The following STEAP1B variants were observed in gnomAD, a reference collection of about 807,000 sequenced individuals.
STEAP1B encodes STEAP family protein MGC87042.
Under a neutral mutation model 27.9 loss-of-function variants are expected in STEAP1B, and 13 were observed. The ratio of observed to expected loss-of-function variants is 0.47; its 90% confidence interval spans 0.30 to 0.74. The LOEUF (loss-of-function observed/expected upper bound fraction) is 0.74. Among genes scored for constraint, STEAP1B ranks in the 30% least tolerant of loss-of-function variants. STEAP1B has a pLI of 0.06. For missense variants in STEAP1B, 250 were observed against 298.7 expected, an observed-to-expected ratio of 0.84 and a Z score of 1.20; for synonymous variants, 86 against 107.1, an observed-to-expected ratio of 0.80 and a Z score of 1.22.
At chr7:22,423,211 T>C (rs1382216031) in intron 4 of STEAP1B, among the ~76,000 whole-genome samples, 1 of 152,208 alleles carries the variant, frequency 6.6e-6, no homozygotes, top group Non-Finnish European at 1.5e-5. Context: ...TAATTGGCTG[T>C]TTCTTAAAAC....
chr7:22,479,234 G>A (rs932477218), intron 4 of STEAP1B, among the ~76,000 whole-genome samples: 1 of 152,186 alleles, frequency 6.6e-6, no homozygotes, highest in African/African-American at 2.4e-5. Flanking sequence ...GGTGGGGAAT[G>A]GGGGAGAGGT....
At chr7:22,477,946 T>C (rs1165619222) in intron 4 of STEAP1B, among the ~76,000 whole-genome samples, 2 of 152,026 alleles carry the variant, frequency 1.3e-5, no homozygotes, top group Non-Finnish European at 2.9e-5. Context: ...TCAAAAAACA[T>C]AGGGAAAAAC....
At chr7:22,488,098 G>A (rs1018325447) in intron 4 of STEAP1B, among the ~76,000 whole-genome samples, 1 of 152,132 alleles carries the variant, frequency 6.6e-6, no homozygotes, top group African/African-American at 2.4e-5. Flanking sequence ...AACCACATCT[G>A]AAACAGGTGG....
At chr7:22,470,427 A>C (rs191344968) in intron 4 of STEAP1B, among the ~76,000 whole-genome samples, 68 of 152,342 alleles carry the variant, frequency 4.5e-4, no homozygotes, top group African/African-American at 1.5e-3. Flanking sequence ...AGAATTGACA[A>C]GTCTCCCCTT....
At chr7:22,439,178 A>G (rs10485990) in intron 4 of STEAP1B, among the ~76,000 whole-genome samples, 11,180 of 152,232 alleles carry the variant, frequency 0.073, 559 homozygotes, top group East Asian at 0.2. Flanking sequence ...CCGTGCCCCT[A>G]AACAGTTTCA....
chr7:22,489,888 C>T (rs1166018543), intron 4 of STEAP1B, among the ~76,000 whole-genome samples: 5 of 152,036 alleles, frequency 3.3e-5, no homozygotes, highest in African/African-American at 7.2e-5. Flanking sequence ...TCCTCCTATC[C>T]GTATATCTGG....
chr7:22,452,513 C>T (rs754484650), intron 4 of STEAP1B, among the ~76,000 whole-genome samples: 1 of 151,986 alleles, frequency 6.6e-6, no homozygotes, highest in East Asian at 1.9e-4. Context: ...TTCAGGATCA[C>T]AAAGCAAGAC....
At chr7:22,433,827 C>A (rs192219900) in intron 4 of STEAP1B, among the ~76,000 whole-genome samples, 1 of 152,190 alleles carries the variant, frequency 6.6e-6, no homozygotes, top group Admixed American at 6.5e-5. Context: ...AACTGCTGGG[C>A]TTTGTCATGA....
At position 22,494,754 on chromosome 7, in the gene STEAP1B, TC is replaced by T; in HGVS notation, c.84+17del. ...AGATGTAAATTATTATTTATTATTG[TC>T]ATTATTAATATTTTACCAAATAATC... is the stretch of plus-strand genomic sequence containing the variant. On this transcript the variant is annotated intron_variant, in intron 2 of 4. Coordinates refer to ENST00000678116, the MANE Select transcript of STEAP1B (RefSeq NM_001382447.1). The T allele has an allele frequency of 7.2e-7, 1 of 1,388,238 alleles. No homozygotes were observed. The highest frequency in any genetic ancestry group is 1.0e-6 in the Non-Finnish European group (1 of 997,468). 86.0% of individuals were successfully genotyped at this position (1,388,238 alleles called of 1,614,324 possible).
At chr7:22,444,415 T>G (rs866496749) in intron 4 of STEAP1B, among the ~76,000 whole-genome samples, 2 of 138,702 alleles carry the variant, frequency 1.4e-5, no homozygotes, top group Non-Finnish European at 3.1e-5. Flanking sequence ...TTTGCCTGTT[T>G]CCCTGTTTTA....
At chr7:22,471,797 G>A (rs1785889128) in intron 4 of STEAP1B, among the ~76,000 whole-genome samples, 1 of 149,896 alleles carries the variant, frequency 6.7e-6, no homozygotes, top group African/African-American at 2.5e-5. Flanking sequence ...CAGCTACTCA[G>A]GAAGCATAGG....
At chr7:22,444,313 G>A (rs570499704) in intron 4 of STEAP1B, among the ~76,000 whole-genome samples, 1 of 152,198 alleles carries the variant, frequency 6.6e-6, no homozygotes, top group Non-Finnish European at 1.5e-5. Context: ...CAGCTTGAGA[G>A]GGCGTGAGCA....
intron 4 of STEAP1B, among the ~76,000 whole-genome samples, chr7:22,444,191 A>G (rs1392550802): frequency 2.0e-5 from 3 of 152,236 alleles, no homozygotes; most frequent in African/African-American, 4.8e-5. Context: ...TAACGTCTCT[A>G]GGCCTCAGTT....
chr7:22,419,586 A>T lies in STEAP1B; in HGVS notation c.*218T>A. The T allele has an allele frequency of 2.4e-6, 1 of 418,948 alleles. No individual in the cohort carries two copies. Among genetic ancestry groups the T allele is most frequent in the Non-Finnish European group, 4.3e-6 (1 of 233,694 alleles). The allele number at this position is 418,948 out of a possible 1,614,324, so 26.0% of individuals were successfully genotyped here. A position where few individuals can be genotyped will look rare whatever the true frequency, so the allele number is the denominator to read the frequency against. On this transcript the variant is annotated 3_prime_UTR_variant, in exon 5 of 5. Coordinates refer to ENST00000678116, the MANE Select transcript of STEAP1B (RefSeq NM_001382447.1). ...ACCAACACAATCTCAGTGGATTAGCACAACACATATGGACTTTTTGTTTGC... is the reference window on the plus strand; with the variant it reads ...ACCAACACAATCTCAGTGGATTAGCTCAACACATATGGACTTTTTGTTTGC...
chr7:22,454,736 C>G (rs541705060), intron 4 of STEAP1B, among the ~76,000 whole-genome samples: 1 of 132,496 alleles, frequency 7.5e-6, no homozygotes, highest in Non-Finnish European at 1.6e-5. Context: ...GGAGTAAGCA[C>G]AGCGGAACCA....
At chr7:22,489,915 G>GA (rs1279278486) in intron 4 of STEAP1B, among the ~76,000 whole-genome samples, 1 of 151,970 alleles carries the variant, frequency 6.6e-6, no homozygotes, top group Non-Finnish European at 1.5e-5. Context: ...TTATAATCAG[G>GA]AAAAAAGCAC....
intron 4 of STEAP1B, among the ~76,000 whole-genome samples, chr7:22,433,474 C>T (rs1363362192): frequency 8.7e-6 from 1 of 114,960 alleles, no homozygotes; most frequent in Non-Finnish European, 1.8e-5. Context: ...CTTCCACCCC[C>T]TCCACATAAT....
chr7:22,470,486 A>G (rs2128410689), intron 4 of STEAP1B, among the ~76,000 whole-genome samples: 1 of 152,288 alleles, frequency 6.6e-6, no homozygotes, highest in South Asian at 2.1e-4. Context: ...GAAATAAACC[A>G]CTATTAGAAC....
chr7:22,419,759 C>G lies in STEAP1B; in HGVS notation c.*45G>C. 6.5e-7 allele frequency: 1 copy of G among 1,544,558 alleles called. No homozygotes were observed. Among genetic ancestry groups the G allele is most frequent in the Non-Finnish European group, 8.7e-7 (1 of 1,143,142 alleles). On this transcript the variant is annotated 3_prime_UTR_variant, in exon 5 of 5. Transcript: ENST00000678116. ...TGCATGAGCAATCCAATGCTGTGCTCCAAAGCCTCGTTCTCATTTCCTCTC... is the reference window on the plus strand; with the variant it reads ...TGCATGAGCAATCCAATGCTGTGCTGCAAAGCCTCGTTCTCATTTCCTCTC...
Sources: allele counts gnomAD v4.1 joint callset (sites outside exome capture counted in the v4.1 genomes callset), GRCh38; gene constraint gnomAD v4.1.1; transcripts MANE v1.5; gene names NCBI Gene and HGNC (gene_info 2026-07-23, HGNC 2026-07-21).